ZNF616: variants seen among roughly 807,000 people sequenced by gnomAD.
ZNF616 encodes zinc finger protein 616.
ZNF616 carries 5 observed loss-of-function variants against 7.6 expected under a neutral mutation model. The ratio of observed to expected loss-of-function variants is 0.66; its 90% CI spans 0.34 to 1.38. The LOEUF (loss-of-function observed/expected upper bound fraction) is 1.38, where lower values mean the gene tolerates loss of function less well. ZNF616 is among the 40% of genes most tolerant of loss of function. The pLI, the probability that ZNF616 is intolerant of heterozygous loss-of-function variation, is 0.04. For missense variants in ZNF616, 913 were observed against 948.3 expected, an observed-to-expected ratio of 0.96 and a Z score of 0.49; for synonymous variants, 319 against 317.2, an observed-to-expected ratio of 1.01 and a Z score of -0.06.
At position 52,115,220 on chromosome 19, in the gene ZNF616, A is replaced by G. The variant is rs1318579095; in HGVS notation, c.1944T>C (p.Leu648=). Residue 648 remains leucine (L), a synonymous_variant, in exon 4 of 4, where the codon CTT becomes CTC. Coordinates refer to ENST00000600228, the MANE Select transcript of ZNF616 (RefSeq NM_178523.5). ...CGNSFSQRVH[L]RLHQTVHTGD... ...CAGTATGAACAGTCTGATGAAGTCT[A>G]AGATGGACACGCTGACTAAAGGAAT... is the stretch of plus-strand genomic sequence containing the variant. 1.2e-6 allele frequency: 2 copies of G among 1,614,224 alleles called. No individual in the cohort carries two copies. The highest frequency in any genetic ancestry group is 1.7e-6 in the Non-Finnish European group (2 of 1,180,036).
intron 1 of ZNF616, among the ~76,000 whole-genome samples, chr19:52,137,251 T>C (rs1600130579): frequency 6.7e-6 from 1 of 150,248 alleles, no homozygotes; most frequent in South Asian, 2.1e-4. Context: ...ACCCCGTCTG[T>C]ACTAAAAAAA....
chr19:52,131,176 G>T (rs968069075), intron 1 of ZNF616, among the ~76,000 whole-genome samples: 3 of 147,406 alleles, frequency 2.0e-5, no homozygotes. Flanking sequence ...GCTGAGGCAG[G>T]AGAATCACTT....
intron 3 of ZNF616, among the ~76,000 whole-genome samples, chr19:52,121,777 C>T (rs928041982): frequency 2.6e-5 from 4 of 151,968 alleles, no homozygotes; most frequent in African/African-American, 9.7e-5. Flanking sequence ...GAAACTGGAC[C>T]CCTATCTCTC....
chr19:52,122,408 C>G (rs1002719238), intron 3 of ZNF616: 10 of 152,084 alleles, frequency 6.6e-5, no homozygotes, highest in African/African-American at 2.2e-4. Context: ...TCGCTTGAAC[C>G]TGGGAGACGG....
At chr19:52,125,088 G>C (rs1334746696) in intron 2 of ZNF616, among the ~76,000 whole-genome samples, 1 of 152,158 alleles carries the variant, frequency 6.6e-6, no homozygotes, top group Non-Finnish European at 1.5e-5. Flanking sequence ...ATGAATTGTG[G>C]AGGAGAGAAA....
At chr19:52,126,620 T>G (rs1289406500) in intron 2 of ZNF616, among the ~76,000 whole-genome samples, 1 of 151,414 alleles carries the variant, frequency 6.6e-6, no homozygotes, top group Non-Finnish European at 1.5e-5. Flanking sequence ...ATACAAAAAT[T>G]AGCCAGGTGT....
chr19:52,128,708 C>G (rs1441078660), intron 2 of ZNF616, among the ~76,000 whole-genome samples: 1 of 150,232 alleles, frequency 6.7e-6, no homozygotes, highest in Non-Finnish European at 1.5e-5. Flanking sequence ...CGCCATTGCA[C>G]TCCAGCCTGG....
chr19:52,119,595 TGC>T (rs1430647963), intron 3 of ZNF616, among the ~76,000 whole-genome samples: 1 of 152,144 alleles, frequency 6.6e-6, no homozygotes, highest in Admixed American at 6.5e-5. Context: ...AGGAGTAATG[TGC>T]ATGGGGCAGC....
chr19:52,121,902 A>T (rs10412395), intron 3 of ZNF616, among the ~76,000 whole-genome samples: 5,894 of 152,098 alleles, frequency 0.039, 320 homozygotes, highest in African/African-American at 0.12. Context: ...ATAATTTTTT[A>T]AAAAAAATTT....
chr19:52,132,133 T>C (rs2088965857), intron 1 of ZNF616, among the ~76,000 whole-genome samples: 1 of 152,194 alleles, frequency 6.6e-6, no homozygotes, highest in Admixed American at 6.5e-5. Flanking sequence ...TTCTTTATCA[T>C]TTGAATTAAA....
rs1023744219 is a variant in ZNF616, at chr19:52,113,361, A to G, written c.*1457T>C. 6.6e-6 allele frequency: 1 copy of G among 152,206 alleles called. No individual in the cohort carries two copies. Among genetic ancestry groups the G allele is most frequent in the Non-Finnish European group, 1.5e-5 (1 of 68,034 alleles). The allele number at this position is 152,206 out of a possible 1,614,324, so 9.4% of individuals were successfully genotyped here. On this transcript the variant is annotated 3_prime_UTR_variant, in exon 4 of 4. Coordinates refer to ENST00000600228, the MANE Select transcript of ZNF616 (RefSeq NM_178523.5). ...GGATAATTTGGTAAAGGCTGAAGAC[A>G]CACTACTGCTTCCAGGTCCTTTCAT...
At chr19:52,129,692 T>C (rs2088940731) in intron 2 of ZNF616, among the ~76,000 whole-genome samples, 1 of 152,162 alleles carries the variant, frequency 6.6e-6, no homozygotes, top group African/African-American at 2.4e-5. Context: ...TTCCCTGTCA[T>C]TAAGGCAGTT....
rs199769167 is a variant in ZNF616, at chr19:52,116,311, C to A, written c.853G>T (p.Ala285Ser). 2.8e-5 allele frequency: 45 copies of A among 1,614,032 alleles called. No homozygotes were observed. Among genetic ancestry groups the A allele is most frequent in the Non-Finnish European group, 1.8e-5 (21 of 1,180,034 alleles). The change falls in exon 4 of 4, where the codon GCA becomes TCA. Residue 285 changes from alanine (A) to serine (S), a missense_variant. Ala to Ser is a moderately conservative substitution (Grantham distance 99, BLOSUM62 1). Transcript: ENST00000600228. ...GKSFSKSSHL[A>S]VHQRIHTGEK... Reference sequence around the variant, plus strand: ...CCGGTATGAATTCTCTGATGAACTGCAAGGTGGGAACTTTTACTAAAGGAC... The same window carrying A: ...CCGGTATGAATTCTCTGATGAACTGAAAGGTGGGAACTTTTACTAAAGGAC...
intron 3 of ZNF616, 129 bp from the exon 4 acceptor site, chr19:52,117,153 G>T: frequency 1.4e-6 from 1 of 706,648 alleles, no homozygotes; most frequent in Non-Finnish European, 2.1e-6. Context: ...TCTCCACCAT[G>T]ATCTTTTATT....
chr19:52,139,863 T>C lies in ZNF616; in HGVS notation c.-208A>G, dbSNP rs2089043277. ...TTTAATCCAGGCAGACGGAGCGAAG[T>C]AATGTTTAATCCACGTAGACTGAAA... is the stretch of plus-strand genomic sequence containing the variant. On this transcript the variant is annotated 5_prime_UTR_variant, in exon 1 of 4. Transcript: ENST00000600228. The surrounding 1 kb of genome is among the most constrained non-coding windows in gnomAD (Gnocchi z 4.1). The C allele has an allele frequency of 1.3e-5, 2 of 152,260 alleles. No homozygotes were observed. Among genetic ancestry groups the C allele is most frequent in the South Asian group, 4.1e-4 (2 of 4,834 alleles). The allele number at this position is 152,260 out of a possible 1,614,324, so 9.4% of individuals were successfully genotyped here. A position where few individuals can be genotyped will look rare whatever the true frequency, so the allele number is the denominator to read the frequency against.
rs750634646 is a variant in ZNF616, at chr19:52,115,038, C to A, written c.2126G>T (p.Arg709Ile). 6.2e-7 allele frequency: 1 copy of A among 1,614,174 alleles called. No homozygotes were observed. Among genetic ancestry groups the A allele is most frequent in the South Asian group, 1.1e-5 (1 of 91,082 alleles). The change falls in exon 4 of 4, where the codon AGA (arginine) becomes ATA (isoleucine). Residue 709 changes from arginine (R) to isoleucine (I), a missense_variant. Coordinates refer to ENST00000600228, the MANE Select transcript of ZNF616 (RefSeq NM_178523.5). The stretch of plus-strand genomic sequence containing the variant: ...GTATCTTTTCTCTCCAGTGTGGATT[C>A]TCTGGTGACTTACAAGATGTGAACT... The part of the protein sequence containing the change: ...RHSSHLVSHQ[R>I]IHTGEKRYKC...
intron 1 of ZNF616, among the ~76,000 whole-genome samples, chr19:52,136,901 TA>T (rs1568564167): frequency 6.6e-6 from 1 of 151,594 alleles, no homozygotes; most frequent in East Asian, 1.9e-4. Context: ...TGTCTCTACT[TA>T]AAAAAACAAA....
At chr19:52,136,449 CA>C (rs147808177) in intron 1 of ZNF616, among the ~76,000 whole-genome samples, 6,364 of 149,464 alleles carry the variant, frequency 0.043, 423 homozygotes, top group African/African-American at 0.14. Context: ...GACTCTGTCT[CA>C]AAAAAAAACA....
intron 2 of ZNF616, among the ~76,000 whole-genome samples, chr19:52,125,611 G>A (rs1318833413): frequency 6.6e-6 from 1 of 152,192 alleles, no homozygotes; most frequent in East Asian, 1.9e-4. Flanking sequence ...CTCACAGGCT[G>A]TGGTTTCCCG....
Sources: allele counts gnomAD v4.1 joint callset (sites outside exome capture counted in the v4.1 genomes callset), GRCh38; gene constraint gnomAD v4.1.1; non-coding constraint Gnocchi (gnomAD v3.1); transcripts MANE v1.5; gene names NCBI Gene and HGNC (gene_info 2026-07-23, HGNC 2026-07-21).